The following TBX20 variants were observed in gnomAD, a reference collection of about 807,000 sequenced individuals.
The protein encoded by TBX20 is T-box transcription factor TBX20.
A neutral mutation model predicts 42.9 loss-of-function variants in TBX20; 8 were observed. The observed-to-expected ratio is 0.19, with a 90% CI of 0.11 to 0.34. The LOEUF (loss-of-function observed/expected upper bound fraction) is 0.34. Among genes scored for constraint, TBX20 ranks in the 10% least tolerant of loss-of-function variants. The pLI is 1.00. For missense variants in TBX20, 411 were observed against 566.0 expected, an observed-to-expected ratio of 0.73 and a Z score of 2.78; for synonymous variants, 198 against 222.8, an observed-to-expected ratio of 0.89 and a Z score of 0.99.
At chr7:35,216,056 G>A (rs1258216585) in intron 6 of TBX20, among the ~76,000 whole-genome samples, 1 of 152,098 alleles carries the variant, frequency 6.6e-6, no homozygotes, top group Non-Finnish European at 1.5e-5. Flanking sequence ...GCAATTACTA[G>A]ATTGATGGCA....
chr7:35,253,322 C>T (rs1037571135), intron 1 of TBX20, among the ~76,000 whole-genome samples, 172 bp downstream of exon 1: 5 of 152,204 alleles, frequency 3.3e-5, no homozygotes, highest in African/African-American at 1.2e-4. Context: ...CAGCATTCAA[C>T]AGACTGAAGC....
chr7:35,241,068 T>G (rs1790069075), intron 4 of TBX20, 31 bp from the exon 5 acceptor site: 6 of 1,606,626 alleles, frequency 3.7e-6, no homozygotes, highest in Admixed American at 1.7e-5. Context: ...GTACTGAATT[T>G]TACATACTTA....
chr7:35,253,596 G>T lies in TBX20; in HGVS notation c.25C>A (p.Pro9Thr). Residue 9 changes from proline to threonine, a missense_variant, in exon 1 of 8, where the codon CCC (proline) becomes ACC (threonine). Physicochemically the swap from Pro to Thr is conservative, Grantham distance 38. This residue lies in a region of TBX20 where 114 missense variants were observed against 128.0 expected (regional missense o/e 0.89). Transcript: ENST00000408931. MEFTASPK[P>T]QLSSRANAFS... ...GCGTTGGCCCGAGAGGAGAGTTGGG[G>T]CTTGGGGGACGCCGTGAACTCCATG... The T allele has an allele frequency of 6.8e-6, 11 of 1,612,136 alleles. No homozygotes were observed. Among genetic ancestry groups the T allele is most frequent in the Non-Finnish European group, 9.3e-6 (11 of 1,180,000 alleles).
Position 35,253,723 on chromosome 7 carries a change from A to G in TBX20, c.-103T>C. The stretch of plus-strand genomic sequence containing the variant: ...CGAAACACAGCTCAAAGTTTCCGAG[A>G]GCAGTCACAGCGGGGCCAGGGACTC... On this transcript the variant is annotated 5_prime_UTR_variant, in exon 1 of 8. Transcript: ENST00000408931. 6.7e-7 allele frequency: 1 copy of G among 1,483,650 alleles called. No individual in the cohort carries two copies. The highest frequency in any genetic ancestry group is 1.3e-5 in the South Asian group (1 of 78,262). The allele number at this position is 1,483,650 out of a possible 1,614,324, so 91.9% of individuals were successfully genotyped here. A position where few individuals can be genotyped will look rare whatever the true frequency, so the allele number is the denominator to read the frequency against.
At chr7:35,218,127 T>C (rs1789621501) in intron 6 of TBX20, among the ~76,000 whole-genome samples, 1 of 152,222 alleles carries the variant, frequency 6.6e-6, no homozygotes, top group Non-Finnish European at 1.5e-5. Flanking sequence ...AATTATTTCT[T>C]TCCCAAGAAG....
At chr7:35,229,441 T>C (rs1789831139) in intron 6 of TBX20, among the ~76,000 whole-genome samples, 1 of 152,180 alleles carries the variant, frequency 6.6e-6, no homozygotes, top group South Asian at 2.1e-4. Flanking sequence ...TATCTGGAAA[T>C]GAAATCCAAA....
At position 35,202,721 on chromosome 7, in the gene TBX20, T is replaced by C. The variant is rs1441292631; in HGVS notation, c.1053A>G (p.Ser351=). 3 of 1,590,708 alleles carry C rather than the reference T, an allele frequency of 1.9e-6. No homozygotes were observed. In the South Asian group the frequency reaches 3.4e-5, roughly 18 times the overall value. ...SDNLSLSSWV[S]SSSSFPGFQH... is the part of the protein sequence containing the mutation. ...GAAACCCAGGAAAACTGGAAGAAGA[T>C]GATACCCAGGAGCTGAGAGACAAAT... is the stretch of plus-strand genomic sequence containing the variant. Residue 351 remains serine, a synonymous_variant, in exon 8 of 8, where the codon TCA becomes TCG. Coordinates refer to ENST00000408931, the MANE Select transcript of TBX20 (RefSeq NM_001077653.2).
intron 4 of TBX20, 93 bp downstream of exon 4, chr7:35,244,856 G>A (rs1416005021): frequency 1.2e-6 from 1 of 857,350 alleles, no homozygotes; most frequent in South Asian, 1.4e-5. Context: ...GAAGGGGATA[G>A]GGAAGGCAGG....
chr7:35,208,338 C>T (rs574638451), intron 6 of TBX20, among the ~76,000 whole-genome samples: 4 of 152,234 alleles, frequency 2.6e-5, no homozygotes, highest in South Asian at 2.1e-4. Context: ...TAGATATTCA[C>T]GATGCCTGTA....
Position 35,253,563 on chromosome 7 carries a change from T to C in TBX20, c.58A>G (p.Ile20Val). The C allele has an allele frequency of 1.9e-6, 3 of 1,612,758 alleles. No individual in the cohort carries two copies. Among genetic ancestry groups the C allele is most frequent in the Non-Finnish European group, 2.5e-6 (3 of 1,179,994 alleles). Residue 20 changes from isoleucine (I) to valine (V), a missense_variant, in exon 1 of 8, where the codon ATT becomes GTT. By Grantham distance (29) the Ile-to-Val change is conservative (BLOSUM62 3). Transcript: ENST00000408931. ...QLSSRANAFS[I>V]AALMSSGGSK... ...CCGCCGCTCGACATGAGCGCGGCAA[T>C]GGAGAAGGCGTTGGCCCGAGAGGAG...
At chr7:35,250,310 T>C in intron 1 of TBX20, 107 bp from the exon 2 acceptor site, 12 of 1,378,820 alleles carry the variant, frequency 8.7e-6, no homozygotes, top group Non-Finnish European at 1.2e-5. Context: ...CAGGAAAAGT[T>C]AAGCTCAGAA....
chr7:35,229,550 C>T (rs1312065929), intron 6 of TBX20, among the ~76,000 whole-genome samples: 1 of 152,216 alleles, frequency 6.6e-6, no homozygotes, highest in African/African-American at 2.4e-5. Flanking sequence ...AGCTACTTAG[C>T]TTCATGTACA....
chr7:35,211,371 C>A (rs1384650357), intron 6 of TBX20, among the ~76,000 whole-genome samples: 1 of 152,138 alleles, frequency 6.6e-6, no homozygotes, highest in African/African-American at 2.4e-5. Context: ...GTATAATTTT[C>A]TTTCTGGTTG....
chr7:35,245,051 A>G lies in TBX20; in HGVS notation c.552T>C (p.Tyr184=), dbSNP rs1474780670. The G allele has an allele frequency of 1.9e-6, 3 of 1,611,624 alleles. No homozygotes were observed. The highest frequency in any genetic ancestry group is 2.2e-5 in the East Asian group (1 of 44,860). The change falls in exon 4 of 8, where the codon TAT becomes TAC. Residue 184 remains tyrosine (Y), a synonymous_variant. Transcript: ENST00000408931. ...KADPPLPARL[Y]VHPDSPFTGE... is the part of the protein sequence containing the mutation. ...CGGTAAAAGGAGAATCTGGATGCAC[A>G]TAGAGCCTAAGAAAATTAGGAGAAA...
chr7:35,250,462 T>C (rs1790284863), intron 1 of TBX20, among the ~76,000 whole-genome samples: 1 of 152,142 alleles, frequency 6.6e-6, no homozygotes, highest in Non-Finnish European at 1.5e-5. Flanking sequence ...TGCAGCCCAC[T>C]TTGGGAAATA....
intron 6 of TBX20, among the ~76,000 whole-genome samples, chr7:35,218,812 G>A (rs1789632745): frequency 6.6e-6 from 1 of 152,086 alleles, no homozygotes; most frequent in Admixed American, 6.5e-5. Flanking sequence ...ATATTGAGAG[G>A]TCAGGACTTT....
At chr7:35,215,345 T>C (rs1408510868) in intron 6 of TBX20, among the ~76,000 whole-genome samples, 1 of 152,170 alleles carries the variant, frequency 6.6e-6, no homozygotes, top group African/African-American at 2.4e-5. Context: ...TCGAAGATGT[T>C]ACAAAGAGTA....
At chr7:35,214,669 C>A (rs1224146959) in intron 6 of TBX20, among the ~76,000 whole-genome samples, 1 of 152,106 alleles carries the variant, frequency 6.6e-6, no homozygotes, top group Non-Finnish European at 1.5e-5. Flanking sequence ...TAGAGAGTGA[C>A]CATCTTTTGA....
At chr7:35,220,734 C>T (rs1247811101) in intron 6 of TBX20, among the ~76,000 whole-genome samples, 1 of 152,200 alleles carries the variant, frequency 6.6e-6, no homozygotes, top group African/African-American at 2.4e-5. Flanking sequence ...AAATATTCAA[C>T]AGTTCAAAAG....
Sources: gnomAD v4.1 joint callset for allele counts (sites outside exome capture counted in the v4.1 genomes callset) on GRCh38, gnomAD v4.1.1 for gene constraint, gnomAD v4.1.1 regional missense constraint, MANE v1.5 for transcripts, NCBI Gene and HGNC (gene_info 2026-07-23, HGNC 2026-07-21) for gene names.